PRR5L: variants seen among roughly 807,000 people sequenced by gnomAD.
PRR5L encodes the protein proline rich 5 like, also known as proline-rich protein 5-like.
PRR5L carries 21 observed loss-of-function variants against 36.4 expected under a neutral mutation model. The ratio of observed to expected loss-of-function variants is 0.58; its 90% confidence interval spans 0.41 to 0.83. The LOEUF (loss-of-function observed/expected upper bound fraction) is 0.83. Ranked by LOEUF, PRR5L falls within the 40% of genes least tolerant of loss-of-function variation. The pLI, the probability that PRR5L is intolerant of heterozygous loss-of-function variation, is 0.00. For missense variants in PRR5L, 381 were observed against 473.3 expected (o/e 0.80, Z 1.81); for synonymous variants, 188 against 197.0 (o/e 0.95, Z 0.38).
chr11:36,397,035 A>T (rs1590531944), intron 1 of PRR5L, among the ~76,000 whole-genome samples: 2 of 150,216 alleles, frequency 1.3e-5, no homozygotes, highest in Middle Eastern at 6.9e-3. Flanking sequence ...TGGGTAGGTT[A>T]CCTAACTTCT....
intron 1 of PRR5L, among the ~76,000 whole-genome samples, chr11:36,325,302 G>A (rs1436533897): frequency 6.6e-6 from 1 of 152,250 alleles, no homozygotes; most frequent in Non-Finnish European, 1.5e-5. Context: ...TGGATCAGGA[G>A]CACAGCAGAC....
chr11:36,349,600 G>A (rs1856906517), intron 1 of PRR5L, among the ~76,000 whole-genome samples: 1 of 152,180 alleles, frequency 6.6e-6, no homozygotes, highest in South Asian at 2.1e-4. Flanking sequence ...GTCTTTGGCA[G>A]GCAGAAACAA....
chr11:36,343,589 T>C (rs1274382183), intron 1 of PRR5L, among the ~76,000 whole-genome samples: 1 of 152,206 alleles, frequency 6.6e-6, no homozygotes, highest in Non-Finnish European at 1.5e-5. Context: ...CTCTAAAAGT[T>C]GAGCAGATGT....
At chr11:36,363,336 G>A (rs1389726298) in intron 1 of PRR5L, among the ~76,000 whole-genome samples, 5 of 152,234 alleles carry the variant, frequency 3.3e-5, no homozygotes, top group Non-Finnish European at 5.9e-5. Context: ...TGCTTTCGAA[G>A]TGTGAGGGCA....
rs1857539130 is a variant in PRR5L at position 36,390,199 on chromosome 11, G to T, written c.-125-10798G>T. 2.0e-5 allele frequency among the ~76,000 whole-genome samples: 3 copies of T among 152,208 alleles called. No homozygotes were observed. The South Asian group carries it at 6.2e-4, about 32-fold the overall frequency. The stretch of plus-strand genomic sequence containing the variant: ...CCTAATCAGGGGTGAGGAGAAAGGA[G>T]GGTGTCTCTGAGCAAGTGAAGGTGG... On this transcript the variant is annotated intron_variant, in intron 1 of 8. Transcript: ENST00000530639.
At chr11:36,312,153 GT>G (rs1027475945) in intron 1 of PRR5L, among the ~76,000 whole-genome samples, 5 of 152,252 alleles carry the variant, frequency 3.3e-5, no homozygotes, top group African/African-American at 1.2e-4. Context: ...ACTGAATACC[GT>G]TTTTTGAGAA....
intron 1 of PRR5L, among the ~76,000 whole-genome samples, chr11:36,385,779 T>C (rs550961970): frequency 1.3e-5 from 2 of 152,360 alleles, no homozygotes; most frequent in African/African-American, 4.8e-5. Flanking sequence ...AATTGTGCTA[T>C]GCTATGTAGC....
At chr11:36,329,410 G>A (rs973985963) in intron 1 of PRR5L, 3 of 152,194 alleles carry the variant, frequency 2.0e-5, no homozygotes, top group African/African-American at 7.2e-5. Context: ...CTGAAAAAAT[G>A]TGTAAAAGAG....
At chr11:36,313,581 G>A (rs573174200) in intron 1 of PRR5L, among the ~76,000 whole-genome samples, 1 of 152,290 alleles carries the variant, frequency 6.6e-6, no homozygotes, top group African/African-American at 2.4e-5. Flanking sequence ...GGGCAGAGAT[G>A]CTCTAAGAAT....
chr11:36,409,686 G>C (rs553517407), intron 3 of PRR5L, among the ~76,000 whole-genome samples: 1 of 152,198 alleles, frequency 6.6e-6, no homozygotes, highest in South Asian at 2.1e-4. Flanking sequence ...CTGATGCCAC[G>C]AGGTAATGAT....
intron 1 of PRR5L, among the ~76,000 whole-genome samples, chr11:36,348,377 A>T (rs1856889023): frequency 6.6e-6 from 1 of 152,132 alleles, no homozygotes; most frequent in Admixed American, 6.5e-5. Flanking sequence ...GAAATGAAGG[A>T]TGTAAATCGA....
rs1859249301 is a variant in PRR5L at position 36,464,221 on chromosome 11, C to G, written c.*1485C>G. 1 of 152,146 alleles carries G rather than the reference C, an allele frequency of 6.6e-6. No homozygotes were observed. The highest frequency in any genetic ancestry group is 1.5e-5 in the Non-Finnish European group (1 of 68,024). 9.4% of individuals were successfully genotyped at this position (152,146 alleles called of 1,614,324 possible). ...AAAAGACAAGGCTCCCCCTCTGACCCTTCCTGTTGGTATTTATGAAATCTC... is the reference window on the plus strand; with the variant it reads ...AAAAGACAAGGCTCCCCCTCTGACCGTTCCTGTTGGTATTTATGAAATCTC... On this transcript the variant is annotated 3_prime_UTR_variant, in exon 9 of 9. Transcript: ENST00000530639.
intron 1 of PRR5L, among the ~76,000 whole-genome samples, chr11:36,386,096 G>A (rs1279900423): frequency 6.6e-6 from 1 of 152,142 alleles, no homozygotes; most frequent in Non-Finnish European, 1.5e-5. Flanking sequence ...AGGAGTTCAA[G>A]ACTAGTCTGG....
chr11:36,365,626 A>G (rs1003067882), intron 1 of PRR5L, among the ~76,000 whole-genome samples: 2 of 152,214 alleles, frequency 1.3e-5, no homozygotes, highest in Admixed American at 6.5e-5. Context: ...AACACCAGCA[A>G]CATTTCATGG....
At chr11:36,436,373 C>T (rs922686052) in intron 5 of PRR5L, among the ~76,000 whole-genome samples, 9 of 152,166 alleles carry the variant, frequency 5.9e-5, no homozygotes, top group Non-Finnish European at 8.8e-5. Flanking sequence ...TGCCAGGGCC[C>T]GTCTTTCCTG....
At chr11:36,365,220 G>A (rs1857132098) in intron 1 of PRR5L, among the ~76,000 whole-genome samples, 1 of 152,044 alleles carries the variant, frequency 6.6e-6, no homozygotes, top group African/African-American at 2.4e-5. Context: ...AAGTTTACTT[G>A]CTTTGTTTCT....
At chr11:36,337,410 T>C (rs1042014166) in intron 1 of PRR5L, among the ~76,000 whole-genome samples, 127 of 152,232 alleles carry the variant, frequency 8.3e-4, no homozygotes, top group African/African-American at 3.0e-3. Flanking sequence ...CTCTAACATC[T>C]TGATCTTCAA....
chr11:36,395,994 T>G (rs1411056255), intron 1 of PRR5L: 1 of 152,212 alleles, frequency 6.6e-6, no homozygotes, highest in Non-Finnish European at 1.5e-5. Flanking sequence ...CCTCCCAAAG[T>G]GCTGGGATTA....
intron 1 of PRR5L, among the ~76,000 whole-genome samples, chr11:36,299,290 A>G (rs1296968918): frequency 6.6e-6 from 1 of 152,162 alleles, no homozygotes; most frequent in African/African-American, 2.4e-5. Flanking sequence ...CATGATTCAG[A>G]CATCAGCCCT....
Sources: allele counts gnomAD v4.1 joint callset (sites outside exome capture counted in the v4.1 genomes callset), GRCh38; gene constraint gnomAD v4.1.1; transcripts MANE v1.5; gene names NCBI Gene and HGNC (gene_info 2026-07-23, HGNC 2026-07-21).